Variants in ERBB2 observed in about 807,000 individuals in gnomAD.
ERBB2 encodes erb-b2 receptor tyrosine kinase 2.
In ERBB2, 61 loss-of-function variants were observed where a neutral mutation model predicts 149.0. The observed-to-expected ratio is 0.41, with a 90% CI of 0.33 to 0.51. The LOEUF (loss-of-function observed/expected upper bound fraction) is 0.51. Among genes scored for constraint, ERBB2 ranks in the 20% least tolerant of loss-of-function variants. The probability of loss-of-function intolerance (pLI) is 0.25; values close to 1 mark genes in which losing one functional copy is unlikely to be tolerated. For missense variants in ERBB2, 1,205 were observed against 1,655.1 expected (o/e 0.73, Z 4.72); for synonymous variants, 633 against 678.8 (o/e 0.93, Z 1.05).
intron 16 of ERBB2, among the ~76,000 whole-genome samples, chr17:39,722,231 C>T (rs774842442): frequency 2.0e-5 from 3 of 152,070 alleles, no homozygotes; most frequent in South Asian, 2.1e-4. Context: ...AGCCAGGCAC[C>T]GTGGCTCACA....
Position 39,726,006 on chromosome 17 carries a change from G to A in ERBB2, c.2872+153G>A. The A allele has an allele frequency of 1.4e-6, 1 of 740,020 alleles. No homozygotes were observed. The highest frequency in any genetic ancestry group is 3.7e-4 in the Middle Eastern group (1 of 2,710). 45.8% of individuals were successfully genotyped at this position (740,020 alleles called of 1,614,324 possible). On this transcript the variant is annotated intron_variant, in intron 23 of 26. Coordinates refer to ENST00000269571, the MANE Select transcript of ERBB2 (RefSeq NM_004448.4). This position sits in a 1 kb window ranked among gnomAD's most constrained non-coding sequence, Gnocchi z 5.1. Reference sequence around the variant, plus strand: ...AAAACCTTCTTGTATCCCTTTTACAGTCAAAGTCCAAAGCCACTCTTGAGG... The same window carrying A: ...AAAACCTTCTTGTATCCCTTTTACAATCAAAGTCCAAAGCCACTCTTGAGG...
Position 39,726,833 on chromosome 17 carries a change from G to T in ERBB2, c.2989G>T (p.Ala997Ser). 1 of 1,612,670 alleles carries T rather than the reference G, an allele frequency of 6.2e-7. No homozygotes were observed. The highest frequency in any genetic ancestry group is 8.5e-7 in the Non-Finnish European group (1 of 1,179,156). Residue 997 changes from alanine to serine, a missense_variant, in exon 25 of 27, where the codon GCC (alanine) becomes TCC (serine). By Grantham distance (99) the Ala-to-Ser change is moderately conservative. This residue lies in a region of ERBB2 where 312 missense variants were observed against 343.8 expected (regional missense o/e 0.91). Transcript: ENST00000269571. The surrounding 1 kb of genome is among the most constrained non-coding windows in gnomAD (Gnocchi z 5.1). ...VVIQNEDLGP[A>S]SPLDSTFYRS... Reference sequence around the variant, plus strand: ...TCCACAGAATGAGGACTTGGGCCCAGCCAGTCCCTTGGACAGCACCTTCTA... The same window carrying T: ...TCCACAGAATGAGGACTTGGGCCCATCCAGTCCCTTGGACAGCACCTTCTA...
chr17:39,717,155 GC>G (rs1213176804), intron 14 of ERBB2, 164 bp from the exon 15 acceptor site: 2 of 559,446 alleles, frequency 3.6e-6, no homozygotes, highest in African/African-American at 3.8e-5. Context: ...CGAGGGAGGG[GC>G]CACAGAGACT....
chr17:39,707,177 C>T, intron 2 of ERBB2, 36 bp downstream of exon 2: 2 of 1,508,888 alleles, frequency 1.3e-6, no homozygotes, highest in Non-Finnish European at 1.8e-6. Flanking sequence ...GGCCCTGCCT[C>T]CAGCTGGGCT....
intron 16 of ERBB2, among the ~76,000 whole-genome samples, chr17:39,721,339 C>T (rs1344782670): frequency 2.0e-5 from 3 of 147,890 alleles, no homozygotes; most frequent in East Asian, 2.0e-4. Flanking sequence ...GATCTTGGCT[C>T]ACTGCAACCT....
chr17:39,708,634 C>A, intron 3 of ERBB2, 100 bp downstream of exon 3: 1 of 915,728 alleles, frequency 1.1e-6, no homozygotes. Context: ...AAATGGTGTC[C>A]CTTCTGGGCA....
intron 5 of ERBB2, 21 bp downstream of exon 5, chr17:39,709,902 G>A (rs2145493929): frequency 3.1e-6 from 5 of 1,611,850 alleles, no homozygotes; most frequent in Non-Finnish European, 4.2e-6. Flanking sequence ...GGGAGGCCTG[G>A]AGTCAGGGAA....
rs1197332364 is a variant in ERBB2, at chr17:39,700,298, C to G, written c.60C>G (p.Ala20=). Residue 20 remains alanine (A), a synonymous_variant, in exon 1 of 27, where the codon GCC becomes GCG. Coordinates refer to ENST00000269571, the MANE Select transcript of ERBB2 (RefSeq NM_004448.4). ...TCCTCGCCCTCTTGCCCCCCGGAGC[C>G]GCGAGCACCCAAGGTGGGTCTGGTG... ...GLLLALLPPG[A]ASTQVCTGTD... 1 of 1,426,380 alleles carries G rather than the reference C, an allele frequency of 7.0e-7. No homozygotes were observed. The highest frequency in any genetic ancestry group is 9.2e-7 in the Non-Finnish European group (1 of 1,091,698). The allele number at this position is 1,426,380 out of a possible 1,614,324, so 88.4% of individuals were successfully genotyped here.
At chr17:39,688,095 T>C, upstream of ERBB2, 2 of 1,218,016 alleles carry the variant, frequency 1.6e-6, no homozygotes, top group Non-Finnish European at 2.1e-6. Flanking sequence ...AGTTCCTGTG[T>C]TCTTTATTCT....
At position 39,725,802 on chromosome 17, in the gene ERBB2, C is replaced by T. The variant is rs748743338; in HGVS notation, c.2821C>T (p.Leu941=). The T allele has an allele frequency of 1.9e-6, 3 of 1,613,714 alleles. No individual in the cohort carries two copies. Among genetic ancestry groups the T allele is most frequent in the South Asian group, 1.1e-5 (1 of 91,078 alleles). Residue 941 remains leucine, a synonymous_variant, in exon 23 of 27, where the codon CTG becomes TTG. Transcript: ENST00000269571. This position sits in a 1 kb window ranked among gnomAD's most constrained non-coding sequence, Gnocchi z 4.6. ...IPDLLEKGER[L]PQPPICTIDV... The stretch of plus-strand genomic sequence containing the variant: ...TGACCTGCTGGAAAAGGGGGAGCGG[C>T]TGCCCCAGCCCCCCATCTGCACCAT...
chr17:39,716,371 T>G lies in ERBB2; in HGVS notation c.1584T>G (p.Cys528Trp), dbSNP rs2059126153. 1 of 1,609,014 alleles carries G rather than the reference T, an allele frequency of 6.2e-7. No individual in the cohort carries two copies. The highest frequency in any genetic ancestry group is 1.7e-5 in the Admixed American group (1 of 59,466). ...GCTGGGGTCCAGGGCCCACCCAGTGTGTCAACTGCAGCCAGTTCCTTCGGG... is the reference window on the plus strand; with the variant it reads ...GCTGGGGTCCAGGGCCCACCCAGTGGGTCAACTGCAGCCAGTTCCTTCGGG... ...GHCWGPGPTQ[C>W]VNCSQFLRGQ... is the part of the protein sequence containing the mutation. The change falls in exon 13 of 27, where the codon TGT becomes TGG. Residue 528 changes from cysteine to tryptophan, a missense_variant. Coordinates refer to ENST00000269571, the MANE Select transcript of ERBB2 (RefSeq NM_004448.4).
chr17:39,690,277 G>A (rs1032347547), upstream of ERBB2, among the ~76,000 whole-genome samples: 2 of 152,016 alleles, frequency 1.3e-5, no homozygotes, highest in African/African-American at 2.4e-5. Context: ...GTAGAGACAC[G>A]GTCTTGCTAT....
In ERBB2 at chr17:39,717,363, C is replaced by T. The variant is rs760310908; in HGVS notation, c.1781C>T (p.Pro594Leu). 1.2e-6 allele frequency: 2 copies of T among 1,612,722 alleles called. No individual in the cohort carries two copies. Among genetic ancestry groups the T allele is most frequent in the Non-Finnish European group, 1.7e-6 (2 of 1,179,962 alleles). ...GCCTGTGCCCACTATAAGGACCCTC[C>T]CTTCTGCGTGGCCCGCTGCCCCAGC... ...CVACAHYKDPPFCVARCPSGV... is the reference protein window; with the variant it reads ...CVACAHYKDPLFCVARCPSGV... The change falls in exon 15 of 27, where the codon CCC (proline) becomes CTC (leucine). Residue 594 changes from proline to leucine, a missense_variant. By Grantham distance (98) the Pro-to-Leu change is moderately conservative. Around this residue, in one of 6 missense-constraint regions of ERBB2, gnomAD observed 569 missense variants for 803.5 expected, o/e 0.71. Coordinates refer to ENST00000269571, the MANE Select transcript of ERBB2 (RefSeq NM_004448.4).
chr17:39,717,276 G>T (rs756952599), intron 14 of ERBB2, 44 bp from the exon 15 acceptor site: 2 of 1,532,782 alleles, frequency 1.3e-6, no homozygotes, highest in Non-Finnish European at 1.8e-6. Context: ...CTGCCCTGGG[G>T]GTGTCAGTGC....
chr17:39,715,424 T>TGA (rs1567904984), intron 10 of ERBB2, 22 bp from the exon 11 acceptor site: 8 of 1,613,970 alleles, frequency 5.0e-6, no homozygotes, highest in Middle Eastern at 1.6e-4. Context: ...CCCACTCCTT[T>TGA]AATCTCACCC....
rs2145676987 is a variant in ERBB2, at chr17:39,716,360, C to T, written c.1573C>T (p.Pro525Ser). 1 of 1,609,124 alleles carries T rather than the reference C, an allele frequency of 6.2e-7. No homozygotes were observed. The highest frequency in any genetic ancestry group is 1.1e-5 in the South Asian group (1 of 90,422). The stretch of plus-strand genomic sequence containing the variant: ...CCGAGGGCACTGCTGGGGTCCAGGG[C>T]CCACCCAGTGTGTCAACTGCAGCCA... ...CARGHCWGPG[P>S]TQCVNCSQFL... The change falls in exon 13 of 27, where the codon CCC becomes TCC. Residue 525 changes from proline to serine, a missense_variant. Physicochemically the swap from Pro to Ser is moderately conservative, Grantham distance 74 (BLOSUM62 -1). Around this residue, in one of 6 missense-constraint regions of ERBB2, gnomAD observed 569 missense variants for 803.5 expected, o/e 0.71. Transcript: ENST00000269571.
At chr17:39,694,273 G>GTATATA (rs1210055293), upstream of ERBB2, among the ~76,000 whole-genome samples, 1 of 25,490 alleles carries the variant, frequency 3.9e-5, no homozygotes, top group Non-Finnish European at 8.7e-5. Flanking sequence ...ATATATGTGT[G>GTATATA]TATATATATA....
In ERBB2 at chr17:39,715,761, G is replaced by A. The variant is rs746949970; in HGVS notation, c.1335G>A (p.Leu445=). ...ILHNGAYSLT[L]QGLGISWLGL... ...ATAGTGGCGCCTACTCGCTGACCCT[G>A]CAAGGGCTGGGCATCAGCTGGCTGG... is the stretch of plus-strand genomic sequence containing the variant. The change falls in exon 12 of 27, where the codon CTG becomes CTA. Residue 445 remains leucine, a synonymous_variant. Coordinates refer to ENST00000269571, the MANE Select transcript of ERBB2 (RefSeq NM_004448.4). The A allele has an allele frequency of 1.5e-5, 24 of 1,607,266 alleles. No individual in the cohort carries two copies. The highest frequency in any genetic ancestry group is 2.0e-5 in the Non-Finnish European group (24 of 1,179,990).
At position 39,717,413 on chromosome 17, in the gene ERBB2, A is replaced by G. The variant is rs377370642; in HGVS notation, c.1831A>G (p.Met611Val). ...CGGTGTGAAACCTGACCTCTCCTAC[A>G]TGCCCATCTGGAAGTTTCCAGATGA... ...PSGVKPDLSY[M>V]PIWKFPDEEG... The change falls in exon 15 of 27, where the codon ATG (methionine) becomes GTG (valine). Residue 611 changes from methionine (M) to valine (V), a missense_variant. By Grantham distance (21) the Met-to-Val change is conservative. This residue lies in a region of ERBB2 where 569 missense variants were observed against 803.5 expected (regional missense o/e 0.71). Transcript: ENST00000269571. 20 of 1,613,030 alleles carry G rather than the reference A, an allele frequency of 1.2e-5. No homozygotes were observed. Among genetic ancestry groups the G allele is most frequent in the Non-Finnish European group, 1.7e-5 (20 of 1,179,900 alleles).
Sources: gnomAD v4.1 joint callset for allele counts (sites outside exome capture counted in the v4.1 genomes callset) on GRCh38, gnomAD v4.1.1 for gene constraint, gnomAD v4.1.1 regional missense constraint, Gnocchi (gnomAD v3.1) non-coding constraint, MANE v1.5 for transcripts, NCBI Gene and HGNC (gene_info 2026-07-23, HGNC 2026-07-21) for gene names.